Variants in DPP4 observed in about 807,000 individuals in gnomAD.
The protein encoded by DPP4 is ADCP-2.
Under a neutral mutation model 122.4 loss-of-function variants are expected in DPP4, and 93 were observed. That is an observed-to-expected ratio of 0.76 (90% confidence interval 0.64 to 0.90). The LOEUF (loss-of-function observed/expected upper bound fraction) is 0.90, where lower values mean the gene tolerates loss of function less well. Ranked by LOEUF, DPP4 falls within the 40% of genes least tolerant of loss-of-function variation. The pLI, the probability that DPP4 is intolerant of heterozygous loss-of-function variation, is 0.00. For synonymous variants in DPP4, 321 were observed against 302.9 expected, an observed-to-expected ratio of 1.06 and a Z score of -0.62; for missense variants, 914 against 907.3, an observed-to-expected ratio of 1.01 and a Z score of -0.09.
At position 162,047,416 on chromosome 2, in the gene DPP4, T is replaced by A. The variant is rs1270527336; in HGVS notation, c.180A>T (p.Leu60Phe). 1 of 1,563,494 alleles carries A rather than the reference T, an allele frequency of 6.4e-7. No individual in the cohort carries two copies. The highest frequency in any genetic ancestry group is 8.7e-7 in the Non-Finnish European group (1 of 1,145,884). ...KNTYRLKLYS[L>F]RWISDHEYLY... Reference sequence around the variant, plus strand: ...AAAAATTCTTACCTGAAATCCATCTTAAGGAGTATAACTTCAGTCTATAAG... The same window carrying A: ...AAAAATTCTTACCTGAAATCCATCTAAAGGAGTATAACTTCAGTCTATAAG... The change falls in exon 3 of 26, where the codon TTA (leucine) becomes TTT (phenylalanine). Residue 60 changes from leucine to phenylalanine, a missense_variant. Coordinates refer to ENST00000360534, the MANE Select transcript of DPP4 (RefSeq NM_001935.4).
At chr2:162,018,967 C>CTTT in intron 15 of DPP4, 117 bp from the exon 16 acceptor site, 7 of 1,064,016 alleles carry the variant, frequency 6.6e-6, no homozygotes, top group East Asian at 5.6e-5. Context: ...ATCTTTAGGA[C>CTTT]TTTTTTTTTT....
intron 2 of DPP4, among the ~76,000 whole-genome samples, chr2:162,066,091 C>T (rs1341375309): frequency 6.6e-6 from 1 of 152,100 alleles, no homozygotes; most frequent in African/African-American, 2.4e-5. Flanking sequence ...GGAACCTCTG[C>T]AGACAAGCTC....
At chr2:162,006,691 A>G (rs1175936081) in intron 22 of DPP4, among the ~76,000 whole-genome samples, 2 of 152,178 alleles carry the variant, frequency 1.3e-5, no homozygotes, top group Non-Finnish European at 2.9e-5. Flanking sequence ...AAATTAAATG[A>G]TACATTATAT....
At chr2:162,055,334 C>A (rs185678164) in intron 2 of DPP4, among the ~76,000 whole-genome samples, 25 of 152,264 alleles carry the variant, frequency 1.6e-4, no homozygotes, top group East Asian at 1.4e-3. Flanking sequence ...ACTGATGTTT[C>A]TCTGATTACT....
At chr2:162,040,860 A>G (rs920529213) in intron 5 of DPP4, among the ~76,000 whole-genome samples, 2 of 152,132 alleles carry the variant, frequency 1.3e-5, no homozygotes, top group South Asian at 4.2e-4. Context: ...ATAAGGGAGT[A>G]TATGGGAACT....
intron 2 of DPP4, among the ~76,000 whole-genome samples, chr2:162,066,091 C>G (rs1341375309): frequency 6.6e-6 from 1 of 152,100 alleles, no homozygotes; most frequent in Non-Finnish European, 1.5e-5. Context: ...GGAACCTCTG[C>G]AGACAAGCTC....
chr2:162,017,173 GA>G lies in DPP4; in HGVS notation c.1421-19del, dbSNP rs752205081. The stretch of plus-strand genomic sequence containing the variant: ...ACCAGGACCTGTTAACACAATGGGG[GA>G]AAAATGTTTTGGATGAATACTTTTT... On this transcript the variant is annotated intron_variant, in intron 16 of 25. Transcript: ENST00000360534. The G allele has an allele frequency of 6.2e-6, 10 of 1,608,054 alleles. No individual in the cohort carries two copies. Among genetic ancestry groups the G allele is most frequent in the South Asian group, 1.1e-5 (1 of 90,020 alleles).
At chr2:162,039,099 A>C (rs750737477) in intron 6 of DPP4, 33 bp downstream of exon 6, 1 of 1,611,380 alleles carries the variant, frequency 6.2e-7, no homozygotes, top group Admixed American at 1.7e-5. Context: ...GACAGTAGGA[A>C]AGCCTAATAG....
At chr2:162,044,310 C>G (rs1684098208) in intron 5 of DPP4, among the ~76,000 whole-genome samples, 1 of 152,110 alleles carries the variant, frequency 6.6e-6, no homozygotes. Context: ...CCAGCAAATC[C>G]AGGGTAAATA....
intron 23 of DPP4, among the ~76,000 whole-genome samples, chr2:162,004,853 T>C (rs1430919428): frequency 6.6e-6 from 1 of 152,244 alleles, no homozygotes; most frequent in Non-Finnish European, 1.5e-5. Context: ...TTATTGTTTT[T>C]CTTTCTCTTT....
At chr2:162,022,676 G>C in intron 12 of DPP4, 79 bp downstream of exon 12, 2 of 1,347,008 alleles carry the variant, frequency 1.5e-6, no homozygotes, top group Non-Finnish European at 2.1e-6. Context: ...ATCACTTAGA[G>C]CCCTAGTTTT....
At chr2:161,999,441 C>CA (rs1343596725) in intron 23 of DPP4, among the ~76,000 whole-genome samples, 1 of 152,164 alleles carries the variant, frequency 6.6e-6, no homozygotes, top group Non-Finnish European at 1.5e-5. Context: ...AAAGGAAACT[C>CA]AGAGTGATAA....
rs115790363 is a variant in DPP4, at chr2:162,068,132, C to T, written c.94+5267G>A. ...TATTATTACTACTAATACTAAAAAT[C>T]GAAACCATTCAAAAGCTTGAGATGT... is the stretch of plus-strand genomic sequence containing the variant. On this transcript the variant is annotated intron_variant, in intron 2 of 25. Coordinates refer to ENST00000360534, the MANE Select transcript of DPP4 (RefSeq NM_001935.4). 4.4e-3 allele frequency among the ~76,000 whole-genome samples: 669 copies of T among 152,232 alleles called. 5 individuals carry two copies. The highest frequency in any genetic ancestry group is 0.015 in the African/African-American group (640 of 41,536).
intron 20 of DPP4, among the ~76,000 whole-genome samples, chr2:162,009,520 T>TGTGTG (rs1489065320): frequency 7.4e-6 from 1 of 135,050 alleles, no homozygotes; most frequent in Non-Finnish European, 1.6e-5. Context: ...AAATTGTGTG[T>TGTGTG]GTGTGTGTGT....
At chr2:162,019,334 G>C (rs1048571262) in intron 14 of DPP4, 58 bp from the exon 15 acceptor site, 13 of 1,212,834 alleles carry the variant, frequency 1.1e-5, no homozygotes, top group Non-Finnish European at 1.5e-5. Flanking sequence ...AGTCAGAGGC[G>C]ATCCACCGCA....
chr2:161,996,775 TA>T (rs1200044393), intron 23 of DPP4, among the ~76,000 whole-genome samples: 1 of 152,214 alleles, frequency 6.6e-6, no homozygotes, highest in Non-Finnish European at 1.5e-5. Context: ...TTATGGTGCC[TA>T]ATTTATAAAC....
At chr2:162,029,002 G>C (rs1280820462) in intron 10 of DPP4, among the ~76,000 whole-genome samples, 1 of 152,114 alleles carries the variant, frequency 6.6e-6, no homozygotes, top group Non-Finnish European at 1.5e-5. Context: ...TCACCTTCTT[G>C]TTTCTTTTCA....
intron 2 of DPP4, among the ~76,000 whole-genome samples, chr2:162,051,661 C>T (rs940038147): frequency 6.6e-6 from 1 of 152,146 alleles, no homozygotes; most frequent in African/African-American, 2.4e-5. Context: ...CCAAAATTTG[C>T]TTTAGCAAAT....
chr2:162,050,982 C>A (rs1300070400), intron 2 of DPP4, among the ~76,000 whole-genome samples: 2 of 152,214 alleles, frequency 1.3e-5, no homozygotes. Flanking sequence ...CAGTTCAAAG[C>A]ATTGTGCAGC....
Sources: gnomAD v4.1 joint callset for allele counts (sites outside exome capture counted in the v4.1 genomes callset) on GRCh38, gnomAD v4.1.1 for gene constraint, MANE v1.5 for transcripts, NCBI Gene and HGNC (gene_info 2026-07-23, HGNC 2026-07-21) for gene names.